Variants in SCHIP1 observed in about 807,000 individuals in gnomAD.
SCHIP1 encodes schwannomin-interacting protein 1.
A neutral mutation model predicts 29.7 loss-of-function variants in SCHIP1; 8 were observed. The ratio of observed to expected loss-of-function variants is 0.27; its 90% CI spans 0.16 to 0.49. SCHIP1 has a LOEUF of 0.49. Ranked by LOEUF, SCHIP1 falls within the 20% of genes least tolerant of loss-of-function variation. The pLI, the probability that SCHIP1 is intolerant of heterozygous loss-of-function variation, is 0.99. For missense variants in SCHIP1, 193 were observed against 294.6 expected, an observed-to-expected ratio of 0.66 and a Z score of 2.52; for synonymous variants, 76 against 94.9, an observed-to-expected ratio of 0.80 and a Z score of 1.16.
At chr3:159,326,146 G>A in the SCHIP1 span, among the ~76,000 whole-genome samples, 4 of 152,020 alleles carry the variant, frequency 2.6e-5, no homozygotes, top group African/African-American at 9.7e-5. Context: ...AGCAAATAGG[G>A]GAATTAGGAT....
the SCHIP1 span, among the ~76,000 whole-genome samples, chr3:159,444,636 A>G: frequency 1.2e-4 from 18 of 152,334 alleles, no homozygotes; most frequent in South Asian, 8.3e-4. Flanking sequence ...AACAGAGTTA[A>G]GATTCATTTA....
the SCHIP1 span, among the ~76,000 whole-genome samples, chr3:159,680,706 T>TACATATATAATATATGTATATATATATAC: frequency 2.4e-4 from 3 of 12,428 alleles, no homozygotes; most frequent in Non-Finnish European, 4.3e-4. Flanking sequence ...TAATATATAT[T>TACATATATAATATATGTATATATATATAC]ATATATAATA....
chr3:159,764,547 C>A, the SCHIP1 span: 1 of 1,596,994 alleles, frequency 6.3e-7, no homozygotes, highest in East Asian at 2.3e-5. The surrounding 1 kb of genome is among the most constrained non-coding windows in gnomAD (Gnocchi z 6.1). Flanking sequence ...CCCCTTGCTC[C>A]GAGTGCAAAT....
the SCHIP1 span, among the ~76,000 whole-genome samples, chr3:159,759,717 G>A: frequency 1.3e-5 from 2 of 152,138 alleles, no homozygotes; most frequent in African/African-American, 4.8e-5. Flanking sequence ...TCTGTGTATT[G>A]CATGTGACCT....
the SCHIP1 span, among the ~76,000 whole-genome samples, chr3:159,311,637 A>G: frequency 6.6e-6 from 1 of 152,162 alleles, no homozygotes; most frequent in Non-Finnish European, 1.5e-5. Context: ...TCTGTATTCT[A>G]TGAGCTTCTC....
chr3:159,541,502 T>C, the SCHIP1 span, among the ~76,000 whole-genome samples: 26,436 of 152,028 alleles, frequency 0.17, 2,540 homozygotes, highest in South Asian at 0.35. Context: ...ATAGATCCAC[T>C]GTAGCAAATC....
At chr3:159,582,785 T>TACACACACAC in the SCHIP1 span, among the ~76,000 whole-genome samples, 20 of 80,504 alleles carry the variant, frequency 2.5e-4, no homozygotes, top group African/African-American at 3.1e-4. Context: ...GAAATATATA[T>TACACACACAC]ATACACACAC....
the SCHIP1 span, among the ~76,000 whole-genome samples, chr3:159,371,223 C>T: frequency 1.3e-5 from 2 of 152,144 alleles, no homozygotes; most frequent in Non-Finnish European, 1.5e-5. Flanking sequence ...ACATGTGTAG[C>T]TTGCCATACA....
chr3:159,666,829 G>A, the SCHIP1 span, among the ~76,000 whole-genome samples: 2 of 152,190 alleles, frequency 1.3e-5, no homozygotes, highest in Non-Finnish European at 2.9e-5. Flanking sequence ...GTGAGACTGG[G>A]TGAGAGGGTA....
chr3:159,509,633 T>G, the SCHIP1 span, among the ~76,000 whole-genome samples: 1 of 152,194 alleles, frequency 6.6e-6, no homozygotes, highest in Non-Finnish European at 1.5e-5. Flanking sequence ...GTTTAGTACT[T>G]CCTTCAGGAG....
the SCHIP1 span, among the ~76,000 whole-genome samples, chr3:159,578,215 T>C: frequency 6.6e-6 from 1 of 152,172 alleles, no homozygotes; most frequent in Non-Finnish European, 1.5e-5. Flanking sequence ...AGCTATCCAA[T>C]ACAGTAGCCA....
intron 2 of SCHIP1, among the ~76,000 whole-genome samples, chr3:159,880,493 A>G (rs960502075): frequency 2.0e-5 from 3 of 152,208 alleles, no homozygotes; most frequent in Non-Finnish European, 4.4e-5. Flanking sequence ...AGCACTTGAT[A>G]TCTGTTAGAA....
the SCHIP1 span, among the ~76,000 whole-genome samples, chr3:159,750,858 G>A: frequency 1.1e-4 from 17 of 150,404 alleles, no homozygotes; most frequent in Non-Finnish European, 2.1e-4. Flanking sequence ...AAAAACCTAA[G>A]ATTTTAGAAG....
chr3:159,662,593 G>C, the SCHIP1 span, among the ~76,000 whole-genome samples: 1 of 152,214 alleles, frequency 6.6e-6, no homozygotes, highest in Middle Eastern at 3.4e-3. Flanking sequence ...TCTTCTGTGT[G>C]TATGCTTTTA....
chr3:159,626,089 T>TAGATAG, the SCHIP1 span, among the ~76,000 whole-genome samples: 2 of 98,106 alleles, frequency 2.0e-5, no homozygotes, highest in Admixed American at 1.0e-4. Context: ...GTGCAGCTTA[T>TAGATAG]ATAGATAGAT....
At chr3:159,355,387 C>T in the SCHIP1 span, among the ~76,000 whole-genome samples, 10 of 152,134 alleles carry the variant, frequency 6.6e-5, no homozygotes, top group South Asian at 2.1e-4. Flanking sequence ...AACCCCCCAA[C>T]GCTGTTACTG....
the SCHIP1 span, among the ~76,000 whole-genome samples, chr3:159,415,731 T>C: frequency 6.6e-6 from 1 of 152,320 alleles, no homozygotes; most frequent in Non-Finnish European, 1.5e-5. Context: ...TCTTTGCTAT[T>C]GTGAATGATT....
chr3:159,565,932 CACTT>C, the SCHIP1 span, among the ~76,000 whole-genome samples: 2 of 152,162 alleles, frequency 1.3e-5, no homozygotes, highest in Non-Finnish European at 2.9e-5. Context: ...GTAGGATAAT[CACTT>C]ACTCTATATA....
the SCHIP1 span, among the ~76,000 whole-genome samples, chr3:159,354,444 A>C: frequency 1.3e-5 from 2 of 152,230 alleles, no homozygotes; most frequent in South Asian, 2.1e-4. Context: ...GAGGCAGTAC[A>C]TATTCTTTTA....
Sources: gnomAD v4.1 joint callset for allele counts (sites outside exome capture counted in the v4.1 genomes callset) on GRCh38, gnomAD v4.1.1 for gene constraint, Gnocchi (gnomAD v3.1) non-coding constraint, MANE v1.5 for transcripts, NCBI Gene and HGNC (gene_info 2026-07-23, HGNC 2026-07-21) for gene names.